Variants in TSHZ2 observed in about 807,000 individuals in gnomAD.
TSHZ2 encodes the protein teashirt homolog 2.
In TSHZ2, 21 loss-of-function variants were observed where a neutral mutation model predicts 74.4. The observed-to-expected ratio is 0.28, with a 90% CI of 0.20 to 0.41. The LOEUF (loss-of-function observed/expected upper bound fraction) is 0.41. Among genes scored for constraint, TSHZ2 ranks in the 10% least tolerant of loss-of-function variants. The probability of loss-of-function intolerance (pLI) is 1.00; values close to 1 mark genes in which losing one functional copy is unlikely to be tolerated. For missense variants in TSHZ2, 1,244 were observed against 1,293.5 expected (o/e 0.96, Z 0.59); for synonymous variants, 540 against 515.3 (o/e 1.05, Z -0.65).
At chr20:53,351,657 G>A (rs998632888) in intron 2 of TSHZ2, among the ~76,000 whole-genome samples, 5 of 152,076 alleles carry the variant, frequency 3.3e-5, no homozygotes, top group African/African-American at 7.2e-5. Context: ...GCTTGTGAAG[G>A]GATTTCACAG....
intron 2 of TSHZ2, among the ~76,000 whole-genome samples, chr20:53,407,026 T>C (rs946405451): frequency 6.6e-6 from 1 of 152,174 alleles, no homozygotes. Flanking sequence ...GCAATGGGGA[T>C]GTCAGAAAAT....
chr20:53,008,919 TA>T (rs1982742445), intron 1 of TSHZ2, among the ~76,000 whole-genome samples: 1 of 149,720 alleles, frequency 6.7e-6, no homozygotes, highest in Non-Finnish European at 1.5e-5. Flanking sequence ...TTAACAACAA[TA>T]AAAAATAGAA....
chr20:53,283,544 G>C (rs73911259), intron 2 of TSHZ2, among the ~76,000 whole-genome samples: 10,850 of 152,226 alleles, frequency 0.071, 1,324 homozygotes, highest in African/African-American at 0.25. Context: ...TTTAGGGCTT[G>C]CTGGGAAGCA....
intron 2 of TSHZ2, among the ~76,000 whole-genome samples, chr20:53,257,916 A>G (rs1990516627): frequency 6.6e-6 from 1 of 152,268 alleles, no homozygotes; most frequent in Non-Finnish European, 1.5e-5. Flanking sequence ...CTAGAAAGGT[A>G]GGACACTAGG....
chr20:53,236,308 C>T (rs528232534), intron 1 of TSHZ2, among the ~76,000 whole-genome samples: 2 of 152,248 alleles, frequency 1.3e-5, no homozygotes, highest in African/African-American at 4.8e-5. Context: ...CTAACCCAAC[C>T]AGTAGGTTTA....
chr20:53,382,613 G>A (rs1252901274), intron 2 of TSHZ2, among the ~76,000 whole-genome samples: 1 of 152,184 alleles, frequency 6.6e-6, no homozygotes, highest in Non-Finnish European at 1.5e-5. Flanking sequence ...CATTCAAATT[G>A]CTCTTCACGA....
At chr20:53,203,321 A>G (rs1047842134) in intron 1 of TSHZ2, among the ~76,000 whole-genome samples, 1 of 151,488 alleles carries the variant, frequency 6.6e-6, no homozygotes, top group Non-Finnish European at 1.5e-5. Flanking sequence ...CAGCTTCCTG[A>G]GTAGCAGGGA....
intron 2 of TSHZ2, among the ~76,000 whole-genome samples, chr20:53,272,036 G>A (rs73274213): frequency 0.043 from 6,521 of 151,794 alleles, 214 homozygotes; most frequent in African/African-American, 0.09. Flanking sequence ...CTTTTGTGAC[G>A]GAGTCTTGTT....
intron 2 of TSHZ2, among the ~76,000 whole-genome samples, chr20:53,323,769 G>T (rs1190189214): frequency 9.2e-5 from 14 of 151,740 alleles, no homozygotes; most frequent in African/African-American, 3.1e-4. Flanking sequence ...GTAGAGACAG[G>T]TTTTCACCAT....
intron 2 of TSHZ2, among the ~76,000 whole-genome samples, chr20:53,358,153 AT>A (rs1980913712): frequency 6.6e-6 from 1 of 151,968 alleles, no homozygotes; most frequent in African/African-American, 2.4e-5. Flanking sequence ...GGATTTTCTC[AT>A]TTGCCACCTA....
intron 1 of TSHZ2, among the ~76,000 whole-genome samples, chr20:53,112,572 A>C (rs909114758): frequency 6.6e-6 from 1 of 152,152 alleles, no homozygotes; most frequent in Non-Finnish European, 1.5e-5. Flanking sequence ...TCTGTTGCCC[A>C]GGCTGGAGTG....
At chr20:53,427,942 G>A (rs6097412) in intron 2 of TSHZ2, among the ~76,000 whole-genome samples, 3,352 of 152,266 alleles carry the variant, frequency 0.022, 115 homozygotes, top group African/African-American at 0.076. Flanking sequence ...GGACATGGGC[G>A]AGATGGGTCT....
intron 2 of TSHZ2, among the ~76,000 whole-genome samples, chr20:53,347,483 A>G (rs1360545683): frequency 2.0e-5 from 3 of 152,138 alleles, no homozygotes; most frequent in Non-Finnish European, 4.4e-5. Flanking sequence ...GGAGCAGACA[A>G]GTCCTTATCC....
At chr20:53,269,465 A>G (rs759166818) in intron 2 of TSHZ2, among the ~76,000 whole-genome samples, 52 of 152,242 alleles carry the variant, frequency 3.4e-4, no homozygotes, top group Non-Finnish European at 6.0e-4. Flanking sequence ...CCACCTTGCA[A>G]AGCCCCACTT....
chr20:53,342,955 C>CTT lies in TSHZ2; in HGVS notation c.*8+86412_*8+86413dup, dbSNP rs1175907478. ...TATTTCTTTTCTTTTCTTTTCTTTT[C>CTT]TTTTTTTTTTTTTTTTTTTTTTTTT... On this transcript the variant is annotated intron_variant, in intron 2 of 2. Transcript: ENST00000371497. 4.3e-3 allele frequency among the ~76,000 whole-genome samples: 264 copies of CTT among 61,220 alleles called. 35 individuals carry two copies. Among genetic ancestry groups the CTT allele is most frequent in the African/African-American group, 0.012 (183 of 14,952 alleles). 40.2% of individuals were successfully genotyped at this position (61,220 alleles called of 152,430 possible). A position where few individuals can be genotyped will look rare whatever the true frequency, so the allele number is the denominator to read the frequency against.
At chr20:53,480,223 C>T (rs977011531) in intron 2 of TSHZ2, among the ~76,000 whole-genome samples, 2 of 151,828 alleles carry the variant, frequency 1.3e-5, no homozygotes, top group African/African-American at 4.8e-5. Flanking sequence ...CGCCTGCCAC[C>T]ACCACCAGCT....
At chr20:53,460,370 A>T (rs1006218661) in intron 2 of TSHZ2, among the ~76,000 whole-genome samples, 1 of 151,988 alleles carries the variant, frequency 6.6e-6, no homozygotes, top group African/African-American at 2.4e-5. Flanking sequence ...TTCTTCACGT[A>T]GTTCTCCAGC....
rs747165337 is a variant in TSHZ2, at chr20:53,254,489, T to G, written c.1031T>G (p.Phe344Cys). The change falls in exon 2 of 3, where the codon TTT (phenylalanine) becomes TGT (cysteine). Residue 344 changes from phenylalanine (F) to cysteine (C), a missense_variant. Phe to Cys is a radical substitution (Grantham distance 205, BLOSUM62 -2). Coordinates refer to ENST00000371497, the MANE Select transcript of TSHZ2 (RefSeq NM_173485.6). The stretch of plus-strand genomic sequence containing the variant: ...ACCACAGGATCTTTTGCAGATTCTT[T>G]TTCTTCTCAGAAGAACGCCAACTTG... ...DSTTGSFADS[F>C]SSQKNANLQL... 6.3e-5 allele frequency: 102 copies of G among 1,613,970 alleles called. No homozygotes were observed. Among genetic ancestry groups the G allele is most frequent in the Non-Finnish European group, 7.7e-5 (91 of 1,179,942 alleles).
chr20:53,057,801 C>T (rs114162185), intron 1 of TSHZ2, among the ~76,000 whole-genome samples: 189 of 152,180 alleles, frequency 1.2e-3, no homozygotes, highest in African/African-American at 4.3e-3. Flanking sequence ...CAGGTAAGCA[C>T]GTGGTAATAG....
Sources: gnomAD v4.1 joint callset for allele counts (sites outside exome capture counted in the v4.1 genomes callset) on GRCh38, gnomAD v4.1.1 for gene constraint, MANE v1.5 for transcripts, NCBI Gene and HGNC (gene_info 2026-07-23, HGNC 2026-07-21) for gene names.